The following OR4K17 variants were observed in gnomAD, a reference collection of about 807,000 sequenced individuals.
The protein encoded by OR4K17 is olfactory receptor family 4 subfamily K member 17.
For missense variants in OR4K17, 480 were observed against 366.3 expected, an observed-to-expected ratio of 1.31 and a Z score of -2.53; for synonymous variants, 157 against 132.8, an observed-to-expected ratio of 1.18 and a Z score of -1.25.
chr14:20,116,320 A>T (rs191523425), intron 1 of OR4K17, among the ~76,000 whole-genome samples: 1 of 152,252 alleles, frequency 6.6e-6, no homozygotes, highest in Non-Finnish European at 1.5e-5. Flanking sequence ...TTTTCTGCAT[A>T]ATCTGTCTCA....
In OR4K17 at chr14:20,120,449, A is replaced by G. The variant is rs903761848; in HGVS notation, c.*2011A>G. 1.3e-5 allele frequency: 2 copies of G among 152,202 alleles called. No individual in the cohort carries two copies. Among genetic ancestry groups the G allele is most frequent in the Non-Finnish European group, 2.9e-5 (2 of 68,034 alleles). The allele number at this position is 152,202 out of a possible 1,614,324, so 9.4% of individuals were successfully genotyped here. ...TGTGTCTGACTCCAAAAAGAAAATT[A>G]TACATTCTAGGTAAATGAACTCTAG... is the stretch of plus-strand genomic sequence containing the variant. On this transcript the variant is annotated 3_prime_UTR_variant, in exon 2 of 2. Coordinates refer to ENST00000641386, the MANE Select transcript of OR4K17 (RefSeq NM_001004715.5).
chr14:20,113,813 C>A (rs1256946307), intron 1 of OR4K17, among the ~76,000 whole-genome samples: 1 of 151,816 alleles, frequency 6.6e-6, no homozygotes, highest in Non-Finnish European at 1.5e-5. Context: ...TTGACTGAAG[C>A]CAGTCGTATA....
chr14:20,119,600 G>A lies in OR4K17; in HGVS notation c.*1162G>A, dbSNP rs1273096091. 6.6e-6 allele frequency: 1 copy of A among 152,470 alleles called. No homozygotes were observed. The highest frequency in any genetic ancestry group is 1.5e-5 in the Non-Finnish European group (1 of 68,054). 9.4% of individuals were successfully genotyped at this position (152,470 alleles called of 1,614,324 possible). A position where few individuals can be genotyped will look rare whatever the true frequency, so the allele number is the denominator to read the frequency against. ...CCCTGACTTCCCGCAACAGAGCCAA[G>A]GCAGGTTGCCTTGGCTGACTTGAGG... On this transcript the variant is annotated 3_prime_UTR_variant, in exon 2 of 2. Transcript: ENST00000641386.
chr14:20,118,380 T>G lies in OR4K17; in HGVS notation c.881T>G (p.Met294Arg), dbSNP rs1266945861. ...ATCTATACTCTGAGAAACAAAGAAATGAAGATATCCATGAAAAAACTCTGG... is the reference window on the plus strand; with the variant it reads ...ATCTATACTCTGAGAAACAAAGAAAGGAAGATATCCATGAAAAAACTCTGG... ...PIIYTLRNKE[M>R]KISMKKLWRA... The change falls in exon 2 of 2, where the codon ATG becomes AGG. Residue 294 changes from methionine (M) to arginine (R), a missense_variant. Coordinates refer to ENST00000641386, the MANE Select transcript of OR4K17 (RefSeq NM_001004715.5). 1 of 1,608,776 alleles carries G rather than the reference T, an allele frequency of 6.2e-7. No individual in the cohort carries two copies. Among genetic ancestry groups the G allele is most frequent in the African/African-American group, 1.3e-5 (1 of 74,742 alleles).
intron 1 of OR4K17, 197 bp from the exon 2 acceptor site, chr14:20,117,271 A>G: frequency 1.6e-6 from 1 of 615,872 alleles, no homozygotes; most frequent in South Asian, 2.2e-5. Flanking sequence ...AACAGCATCA[A>G]TAGGTCATTG....
rs1205018836 is a variant in OR4K17 at position 20,120,225 on chromosome 14, T to C, written c.*1787T>C. On this transcript the variant is annotated 3_prime_UTR_variant, in exon 2 of 2. Coordinates refer to ENST00000641386, the MANE Select transcript of OR4K17 (RefSeq NM_001004715.5). ...ATCATGTTTGGTTCTCTGTCTTCTT[T>C]ACAATATTAATGTCTAAGTCAGCAC... 6.6e-6 allele frequency: 1 copy of C among 152,192 alleles called. No individual in the cohort carries two copies. Among genetic ancestry groups the C allele is most frequent in the Admixed American group, 6.5e-5 (1 of 15,274 alleles). The allele number at this position is 152,192 out of a possible 1,614,324, so 9.4% of individuals were successfully genotyped here.
intron 1 of OR4K17, among the ~76,000 whole-genome samples, chr14:20,111,208 C>G (rs1877875840): frequency 6.6e-6 from 1 of 151,090 alleles, no homozygotes; most frequent in Non-Finnish European, 1.5e-5. Flanking sequence ...GGAACTTTAC[C>G]AGGTGTTAAG....
In OR4K17 at chr14:20,120,098, G is replaced by A. The variant is rs142322659; in HGVS notation, c.*1660G>A. 13 of 152,248 alleles carry A rather than the reference G, an allele frequency of 8.5e-5. No homozygotes were observed. Among genetic ancestry groups the A allele is most frequent in the Middle Eastern group, 3.4e-3 (1 of 294 alleles). 9.4% of individuals were successfully genotyped at this position (152,248 alleles called of 1,614,324 possible). ...TGATAGATATGTACTTTGTTTAGTT[G>A]TTACAATGGCTTTTGATGTAAATGA... On this transcript the variant is annotated 3_prime_UTR_variant, in exon 2 of 2. Transcript: ENST00000641386.
At chr14:20,117,172 C>T (rs1182298488) in intron 1 of OR4K17, among the ~76,000 whole-genome samples, 2 of 152,126 alleles carry the variant, frequency 1.3e-5, no homozygotes, top group Admixed American at 1.3e-4. Flanking sequence ...CCCAGAAAGT[C>T]ACAGATTTCC....
intron 1 of OR4K17, among the ~76,000 whole-genome samples, chr14:20,113,475 G>A (rs1420791171): frequency 1.3e-5 from 2 of 151,928 alleles, no homozygotes; most frequent in Admixed American, 6.6e-5. Context: ...AAGAATAGTA[G>A]CAATAACTCA....
At chr14:20,114,924 TA>T (rs1877954647) in intron 1 of OR4K17, among the ~76,000 whole-genome samples, 2 of 152,096 alleles carry the variant, frequency 1.3e-5, no homozygotes, top group South Asian at 4.1e-4. Context: ...AAAGCTAGAA[TA>T]AAATAGGGTT....
At chr14:20,114,309 A>G (rs1280384961) in intron 1 of OR4K17, among the ~76,000 whole-genome samples, 1 of 151,948 alleles carries the variant, frequency 6.6e-6, no homozygotes, top group Non-Finnish European at 1.5e-5. Context: ...CCTAAATCAA[A>G]TTCATGCATA....
At position 20,117,264 on chromosome 14, in the gene OR4K17, AG is replaced by A. The variant is rs542806580; in HGVS notation, c.-32-203del. On this transcript the variant is annotated intron_variant, in intron 1 of 1. Coordinates refer to ENST00000641386, the MANE Select transcript of OR4K17 (RefSeq NM_001004715.5). ...TGTGGTTTGCTTCTGGGAAACCAAC[AG>A]CATCAATAGGTCATTGCTCTTTTAT... is the stretch of plus-strand genomic sequence containing the variant. 22 of 596,980 alleles carry A rather than the reference AG, an allele frequency of 3.7e-5. No individual in the cohort carries two copies. In the South Asian group the frequency reaches 5.0e-4, roughly 14 times the overall value. The allele number at this position is 596,980 out of a possible 1,614,324, so 37.0% of individuals were successfully genotyped here.
chr14:20,110,783 T>G lies in OR4K17; in HGVS notation c.-142T>G, dbSNP rs576776462. 2.2e-4 allele frequency: 33 copies of G among 152,002 alleles called. No homozygotes were observed. The highest frequency in any genetic ancestry group is 7.5e-4 in the African/African-American group (31 of 41,490). The allele number at this position is 152,002 out of a possible 1,614,324, so 9.4% of individuals were successfully genotyped here. On this transcript the variant is annotated 5_prime_UTR_variant, in exon 1 of 2. Coordinates refer to ENST00000641386, the MANE Select transcript of OR4K17 (RefSeq NM_001004715.5). The stretch of plus-strand genomic sequence containing the variant: ...GTATTAGGAACTCCCCTGATTGGAG[T>G]CTAGATACTTTAGTGACTTGTTTCT...
intron 1 of OR4K17, among the ~76,000 whole-genome samples, chr14:20,111,362 G>T (rs1428705954): frequency 6.6e-6 from 1 of 151,974 alleles, no homozygotes; most frequent in Non-Finnish European, 1.5e-5. Context: ...AGTTTCCACT[G>T]AGAATGTATT....
In OR4K17 at chr14:20,118,401, T is replaced by G; in HGVS notation, c.902T>G (p.Leu301Arg). Reference sequence around the variant, plus strand: ...GAAATGAAGATATCCATGAAAAAACTCTGGAGAGCTTTTGTGAATTCTAGA... The same window carrying G: ...GAAATGAAGATATCCATGAAAAAACGCTGGAGAGCTTTTGTGAATTCTAGA... ...NKEMKISMKK[L>R]WRAFVNSRED... Residue 301 changes from leucine to arginine, a missense_variant, in exon 2 of 2, where the codon CTC becomes CGC. Transcript: ENST00000641386. 2.5e-6 allele frequency: 4 copies of G among 1,605,126 alleles called. No homozygotes were observed. The highest frequency in any genetic ancestry group is 2.6e-6 in the Non-Finnish European group (3 of 1,175,112).
At chr14:20,117,432 T>G in intron 1 of OR4K17, 36 bp from the exon 2 acceptor site, 1 of 1,603,332 alleles carries the variant, frequency 6.2e-7, no homozygotes, top group Non-Finnish European at 8.5e-7. Flanking sequence ...TCACTCATAC[T>G]CCATGGTATG....
At chr14:20,112,707 CA>C (rs1345388263) in intron 1 of OR4K17, among the ~76,000 whole-genome samples, 3 of 152,002 alleles carry the variant, frequency 2.0e-5, no homozygotes, top group African/African-American at 7.2e-5. Context: ...AGAAGGTTTA[CA>C]ATACATCTGT....
rs1878183299 is a variant in OR4K17 at position 20,122,057 on chromosome 14, G to A, written c.*3619G>A. 1.3e-5 allele frequency: 2 copies of A among 151,956 alleles called. No homozygotes were observed. Among genetic ancestry groups the A allele is most frequent in the African/African-American group, 4.8e-5 (2 of 41,388 alleles). 9.4% of individuals were successfully genotyped at this position (151,956 alleles called of 1,614,324 possible). A position where few individuals can be genotyped will look rare whatever the true frequency, so the allele number is the denominator to read the frequency against. Reference sequence around the variant, plus strand: ...CATCTATAGATTTTGATAATCACAGGGAGGTCTTGGAGTCTGTTGCCTAAA... The same window carrying A: ...CATCTATAGATTTTGATAATCACAGAGAGGTCTTGGAGTCTGTTGCCTAAA... On this transcript the variant is annotated 3_prime_UTR_variant, in exon 2 of 2. Transcript: ENST00000641386.
Sources: allele counts gnomAD v4.1 joint callset (sites outside exome capture counted in the v4.1 genomes callset), GRCh38; gene constraint gnomAD v4.1.1; transcripts MANE v1.5; gene names NCBI Gene and HGNC (gene_info 2026-07-23, HGNC 2026-07-21).